Variants in FLI1 observed in about 807,000 individuals in gnomAD.
FLI1 encodes the protein Friend leukemia integration 1 transcription factor.
FLI1 carries 13 observed loss-of-function variants against 53.1 expected under a neutral mutation model. The ratio of observed to expected loss-of-function variants is 0.24; its 90% confidence interval spans 0.16 to 0.39. FLI1 has a LOEUF of 0.39. FLI1 is among the 10% of genes least tolerant of loss of function. The pLI is 1.00. For synonymous variants in FLI1, 244 were observed against 236.7 expected (o/e 1.03, Z -0.28); for missense variants, 424 against 600.5 (o/e 0.71, Z 3.07).
chr11:128,764,934 C>A, intron 2 of FLI1: 1 of 1,190,096 alleles, frequency 8.4e-7, no homozygotes, highest in South Asian at 1.3e-5. Flanking sequence ...CCTGCAGGTC[C>A]TAGTGCAGAA....
At chr11:128,745,734 G>A (rs1440724979) in intron 1 of FLI1, among the ~76,000 whole-genome samples, 1 of 152,240 alleles carries the variant, frequency 6.6e-6, no homozygotes, top group Non-Finnish European at 1.5e-5. Context: ...GTCACACAAA[G>A]CGTCCCGGCT....
intron 1 of FLI1, 127 bp downstream of exon 1, chr11:128,694,403 C>T (rs987033963): frequency 1.7e-5 from 13 of 760,538 alleles, no homozygotes; most frequent in Non-Finnish European, 5.5e-6. Context: ...GCCCCGGCTT[C>T]GCGCCGGCTC....
chr11:128,778,517 C>T (rs1404675446), intron 4 of FLI1, among the ~76,000 whole-genome samples: 2 of 152,244 alleles, frequency 1.3e-5, no homozygotes, highest in African/African-American at 4.8e-5. Context: ...CTGCCTTCTG[C>T]ACTCTCTGGC....
In FLI1 at chr11:128,758,126, G is replaced by C; in HGVS notation, c.30G>C (p.Ser10=). The C allele has an allele frequency of 1.2e-6, 2 of 1,612,216 alleles. No homozygotes were observed. Among genetic ancestry groups the C allele is most frequent in the East Asian group, 2.2e-5 (1 of 44,834 alleles). MDGTIKEAL[S]VVSDDQSLFD... is the part of the protein sequence containing the mutation. ...CTCTGGCCCTGCAGGAGGCTCTGTC[G>C]GTGGTGAGCGACGACCAGTCCCTCT... Residue 10 remains serine (S), a synonymous_variant, in exon 2 of 9, where the codon TCG becomes TCC. Coordinates refer to ENST00000527786, the MANE Select transcript of FLI1 (RefSeq NM_002017.5).
In FLI1 at chr11:128,810,185, G is replaced by T. The variant is rs1942901835; in HGVS notation, c.830-274G>T. Among the ~76,000 whole-genome samples, 1 of 151,884 alleles carries T rather than the reference G, an allele frequency of 6.6e-6. No homozygotes were observed. The highest frequency in any genetic ancestry group is 6.6e-5 in the Admixed American group (1 of 15,234). On this transcript the variant is annotated intron_variant, in intron 8 of 8. Coordinates refer to ENST00000527786, the MANE Select transcript of FLI1 (RefSeq NM_002017.5). This position sits in a 1 kb window ranked among gnomAD's most constrained non-coding sequence, Gnocchi z 6.6. The stretch of plus-strand genomic sequence containing the variant: ...CACCCAAGATCACACAGCTAGTTCT[G>T]GGCAGAGTTTGCACCTCACTTCCCA...
upstream of FLI1, among the ~76,000 whole-genome samples, chr11:128,685,366 G>A (rs1352324684): frequency 1.3e-5 from 2 of 152,214 alleles, no homozygotes; most frequent in Non-Finnish European, 2.9e-5. Flanking sequence ...AGGAAAGGGT[G>A]CCTAAGGTGA....
At chr11:128,724,918 G>T (rs1161182439) in intron 1 of FLI1, among the ~76,000 whole-genome samples, 1 of 152,176 alleles carries the variant, frequency 6.6e-6, no homozygotes, top group Non-Finnish European at 1.5e-5. Context: ...TAAGCCTGCA[G>T]AGAATGATGG....
chr11:128,721,271 G>A (rs201148571), intron 1 of FLI1, among the ~76,000 whole-genome samples: 5 of 152,028 alleles, frequency 3.3e-5, no homozygotes, highest in Non-Finnish European at 7.4e-5. Flanking sequence ...CATTCATTCC[G>A]CCAGCCTGTA....
intron 5 of FLI1, among the ~76,000 whole-genome samples, chr11:128,799,620 C>G (rs953635258): frequency 6.6e-6 from 1 of 152,116 alleles, no homozygotes; most frequent in Non-Finnish European, 1.5e-5. Context: ...CAAAATAATC[C>G]CCAGGCCCAC....
intron 4 of FLI1, among the ~76,000 whole-genome samples, chr11:128,777,910 A>AT (rs1175842853): frequency 1.3e-5 from 2 of 152,162 alleles, no homozygotes; most frequent in African/African-American, 4.8e-5. Context: ...AGAAACCGTG[A>AT]TTGTTGGGGT....
chr11:128,807,469 A>C (rs1942814439), intron 7 of FLI1, among the ~76,000 whole-genome samples: 1 of 152,248 alleles, frequency 6.6e-6, no homozygotes, highest in African/African-American at 2.4e-5. Flanking sequence ...GAACTATTCC[A>C]ATGCTTTATT....
chr11:128,796,579 C>T (rs941269561), intron 5 of FLI1, among the ~76,000 whole-genome samples: 5 of 152,194 alleles, frequency 3.3e-5, no homozygotes, highest in African/African-American at 9.7e-5. Context: ...CCTACCAAGA[C>T]TTGATGGTTC....
At chr11:128,771,913 C>T (rs1479897661) in intron 3 of FLI1, among the ~76,000 whole-genome samples, 1 of 152,098 alleles carries the variant, frequency 6.6e-6, no homozygotes, top group Non-Finnish European at 1.5e-5. Flanking sequence ...GACCCACTAA[C>T]CATTGGTTGC....
chr11:128,699,680 G>T (rs1938238902), intron 1 of FLI1, among the ~76,000 whole-genome samples: 2 of 152,156 alleles, frequency 1.3e-5, no homozygotes, highest in South Asian at 4.1e-4. Flanking sequence ...GTCACTCTTT[G>T]TGTATTACAG....
chr11:128,742,404 T>C (rs1201144538), intron 1 of FLI1, among the ~76,000 whole-genome samples: 1 of 152,244 alleles, frequency 6.6e-6, no homozygotes, highest in East Asian at 1.9e-4. Flanking sequence ...AAATCTGTTT[T>C]ATGGCCCCAT....
intron 4 of FLI1, 57 bp downstream of exon 4, chr11:128,773,042 G>C: frequency 6.6e-7 from 1 of 1,511,854 alleles, no homozygotes; most frequent in Non-Finnish European, 9.1e-7. Context: ...AGCCAACCCA[G>C]GGAGAGGAAG....
intron 5 of FLI1, among the ~76,000 whole-genome samples, chr11:128,782,454 G>T (rs1266167810): frequency 1.3e-5 from 2 of 152,120 alleles, no homozygotes; most frequent in African/African-American, 2.4e-5. Flanking sequence ...CAGCGCTTTG[G>T]GGGGCCGAAG....
At chr11:128,738,569 A>G (rs1940002216) in intron 1 of FLI1, among the ~76,000 whole-genome samples, 1 of 152,228 alleles carries the variant, frequency 6.6e-6, no homozygotes, top group Non-Finnish European at 1.5e-5. Context: ...AGCCAGAAAG[A>G]TCTGGCTTTT....
intron 2 of FLI1, chr11:128,764,625 T>C (rs1941258144): frequency 1.3e-6 from 2 of 1,529,550 alleles, no homozygotes. Flanking sequence ...CCCCTCCCTC[T>C]TGTTTTCATC....
Sources: allele counts gnomAD v4.1 joint callset (sites outside exome capture counted in the v4.1 genomes callset), GRCh38; gene constraint gnomAD v4.1.1; non-coding constraint Gnocchi (gnomAD v3.1); transcripts MANE v1.5; gene names NCBI Gene and HGNC (gene_info 2026-07-23, HGNC 2026-07-21).